The following ATP6V0A1 variants were observed in gnomAD, a reference collection of about 807,000 sequenced individuals.
The protein encoded by ATP6V0A1 is V-type proton ATPase 116 kDa subunit a 1.
A neutral mutation model predicts 105.4 loss-of-function variants in ATP6V0A1; 43 were observed. That is an observed-to-expected ratio of 0.41 (90% CI 0.32 to 0.53). The LOEUF (loss-of-function observed/expected upper bound fraction) is 0.53, where lower values mean the gene tolerates loss of function less well. Ranked by LOEUF, ATP6V0A1 falls within the 20% of genes least tolerant of loss-of-function variation. The pLI, the probability that ATP6V0A1 is intolerant of heterozygous loss-of-function variation, is 0.30. For synonymous variants in ATP6V0A1, 362 were observed against 372.8 expected, an observed-to-expected ratio of 0.97 and a Z score of 0.33; for missense variants, 676 against 1,051.1, an observed-to-expected ratio of 0.64 and a Z score of 4.93.
intron 11 of ATP6V0A1, among the ~76,000 whole-genome samples, chr17:42,492,363 C>T (rs564753670): frequency 6.6e-6 from 1 of 151,436 alleles, no homozygotes; most frequent in East Asian, 2.0e-4. Context: ...CAAAAAGATG[C>T]CCATTTAATG....
At chr17:42,519,536 A>G (rs1232591462) in intron 21 of ATP6V0A1, 1 of 152,262 alleles carries the variant, frequency 6.6e-6, no homozygotes, top group Non-Finnish European at 1.5e-5. Context: ...AGTCTATTCA[A>G]CATGAAGAAT....
intron 4 of ATP6V0A1, 134 bp downstream of exon 4, chr17:42,468,241 G>A: frequency 3.9e-6 from 2 of 514,640 alleles, no homozygotes; most frequent in South Asian, 5.6e-5. Flanking sequence ...TTTCTTGTAG[G>A]TGGGATTTTG....
In ATP6V0A1 at chr17:42,501,311, G is replaced by C. The variant is rs1258919788; in HGVS notation, c.2004+7G>C. On this transcript the variant is annotated splice_region_variant and intron_variant, in intron 17 of 21. Coordinates refer to ENST00000343619, the MANE Select transcript of ATP6V0A1 (RefSeq NM_001130021.3). ...TTTGAGGAGAAAGCATTTGGTAGGT[G>C]TATTTCTATTGCTAAAAGTTACTAG... 1 of 1,604,734 alleles carries C rather than the reference G, an allele frequency of 6.2e-7. No homozygotes were observed. Among genetic ancestry groups the C allele is most frequent in the South Asian group, 1.1e-5 (1 of 90,570 alleles).
rs2089377676 is a variant in ATP6V0A1, at chr17:42,480,657, T to G, written c.634-10T>G. The G allele has an allele frequency of 2.5e-6, 4 of 1,600,030 alleles. No individual in the cohort carries two copies. Among genetic ancestry groups the G allele is most frequent in the Non-Finnish European group, 3.4e-6 (4 of 1,175,846 alleles). On this transcript the variant is annotated splice_polypyrimidine_tract_variant and intron_variant, in intron 7 of 21. Transcript: ENST00000343619. Reference sequence around the variant, plus strand: ...AGTCTGAACTCTTGTTTTTTTATTCTGGGGCCTAGGGCGACTACGTGCACA... The same window carrying G: ...AGTCTGAACTCTTGTTTTTTTATTCGGGGGCCTAGGGCGACTACGTGCACA...
intron 2 of ATP6V0A1, among the ~76,000 whole-genome samples, chr17:42,462,235 A>G (rs1159295578): frequency 6.6e-6 from 1 of 150,782 alleles, no homozygotes; most frequent in African/African-American, 2.4e-5. Context: ...AAAAAAAAAG[A>G]GGTGGGGGGA....
chr17:42,482,623 A>G lies in ATP6V0A1; in HGVS notation c.717-415A>G, dbSNP rs181256825. On this transcript the variant is annotated intron_variant, in intron 8 of 21. Transcript: ENST00000343619. ...ACGTAAGTGTTGACTTAGGCTGGGC[A>G]TGATGGCTCATGCCTGTAATCTCAG... 1.6e-4 allele frequency among the ~76,000 whole-genome samples: 24 copies of G among 150,770 alleles called. No homozygotes were observed. The East Asian group carries it at 3.8e-3, about 24-fold the overall frequency.
chr17:42,517,205 A>G (rs2092664424), intron 21 of ATP6V0A1, among the ~76,000 whole-genome samples: 1 of 152,116 alleles, frequency 6.6e-6, no homozygotes, highest in Admixed American at 6.5e-5. Context: ...GCTTGAACCC[A>G]GGAGATGGAG....
intron 2 of ATP6V0A1, among the ~76,000 whole-genome samples, chr17:42,462,852 G>C (rs1280708374): frequency 6.6e-6 from 1 of 150,950 alleles, no homozygotes; most frequent in Non-Finnish European, 1.5e-5. Flanking sequence ...GACTCAAGCG[G>C]TTCTCCTGCC....
intron 2 of ATP6V0A1, among the ~76,000 whole-genome samples, 192 bp from the exon 3 acceptor site, chr17:42,466,233 CGAGG>C (rs1350584126): frequency 6.6e-6 from 1 of 151,946 alleles, no homozygotes; most frequent in Non-Finnish European, 1.5e-5. Context: ...GTTGCAGCAA[CGAGG>C]GAGGAAGTTT....
At chr17:42,462,002 T>C (rs2086464032) in intron 2 of ATP6V0A1, among the ~76,000 whole-genome samples, 1 of 145,864 alleles carries the variant, frequency 6.9e-6, no homozygotes, top group South Asian at 2.2e-4. Flanking sequence ...AGCCCAGGAG[T>C]TGGAGACCAG....
intron 17 of ATP6V0A1, 139 bp from the exon 18 acceptor site, chr17:42,507,381 C>T (rs1007123619): frequency 2.6e-5 from 16 of 626,816 alleles, no homozygotes; most frequent in African/African-American, 3.7e-5. Context: ...TTTACTTAGC[C>T]GTTCAGTCAG....
chr17:42,464,502 A>G (rs754889094), intron 2 of ATP6V0A1, among the ~76,000 whole-genome samples: 5 of 151,828 alleles, frequency 3.3e-5, no homozygotes, highest in Admixed American at 6.6e-5. Context: ...TCCCGGGTTC[A>G]AGCAATTCTT....
intron 21 of ATP6V0A1, chr17:42,520,318 G>A (rs1040804830): frequency 2.5e-6 from 1 of 394,414 alleles, no homozygotes; most frequent in East Asian, 7.2e-5. Flanking sequence ...AAGCAGCCTC[G>A]CTCTGCTTAT....
chr17:42,481,042 C>G (rs758630810), intron 8 of ATP6V0A1: 1 of 209,974 alleles, frequency 4.8e-6, no homozygotes, highest in Non-Finnish European at 9.6e-6. Context: ...CTGCCTCAGC[C>G]TCTAGGGTAG....
chr17:42,501,351 C>T (rs1353755155), intron 17 of ATP6V0A1, 47 bp downstream of exon 17: 1 of 1,293,934 alleles, frequency 7.7e-7, no homozygotes, highest in Admixed American at 1.8e-5. Context: ...TTGTTTTGTT[C>T]AAGATCAAGG....
intron 15 of ATP6V0A1, among the ~76,000 whole-genome samples, chr17:42,499,993 T>G (rs1015459590): frequency 6.8e-6 from 1 of 146,280 alleles, no homozygotes; most frequent in Non-Finnish European, 1.5e-5. Context: ...GCCAGCACTT[T>G]GGGAGGCCAA....
intron 4 of ATP6V0A1, 138 bp from the exon 5 acceptor site, chr17:42,469,952 A>G: frequency 2.2e-6 from 2 of 902,880 alleles, no homozygotes; most frequent in East Asian, 5.6e-5. Flanking sequence ...GCTCTAGTAA[A>G]ATCACAGTAT....
In ATP6V0A1 at chr17:42,495,052, A is replaced by G. The variant is rs2091027929; in HGVS notation, c.1333A>G (p.Ser445Gly). Residue 445 changes from serine to glycine, a missense_variant, in exon 13 of 22, where the codon AGT becomes GGT. Ser to Gly is a moderately conservative substitution (Grantham distance 56, BLOSUM62 0). Coordinates refer to ENST00000343619, the MANE Select transcript of ATP6V0A1 (RefSeq NM_001130021.3). Reference sequence around the variant, plus strand: ...TTCCCAGATGTTTAGCACTGTGTTCAGTGGTCGATACATTATTTTATTGAT... The same window carrying G: ...TTCCCAGATGTTTAGCACTGTGTTCGGTGGTCGATACATTATTTTATTGAT... ...NENEMFSTVFSGRYIILLMGV... is the reference protein window; with the variant it reads ...NENEMFSTVFGGRYIILLMGV... The G allele has an allele frequency of 6.2e-7, 1 of 1,614,074 alleles. No individual in the cohort carries two copies. Among genetic ancestry groups the G allele is most frequent in the South Asian group, 1.1e-5 (1 of 91,074 alleles).
intron 9 of ATP6V0A1, among the ~76,000 whole-genome samples, chr17:42,484,201 G>A (rs1035217856): frequency 6.6e-6 from 1 of 151,892 alleles, no homozygotes; most frequent in Non-Finnish European, 1.5e-5. Flanking sequence ...GGGACTACAG[G>A]GGCCCGCCAC....
Sources: gnomAD v4.1 joint callset for allele counts (sites outside exome capture counted in the v4.1 genomes callset) on GRCh38, gnomAD v4.1.1 for gene constraint, MANE v1.5 for transcripts, NCBI Gene and HGNC (gene_info 2026-07-23, HGNC 2026-07-21) for gene names.